Variants in STK39 observed in about 807,000 individuals in gnomAD.
The protein encoded by STK39 is serine/threonine kinase 39.
STK39 carries 20 observed loss-of-function variants against 77.8 expected under a neutral mutation model. The observed-to-expected ratio is 0.26, with a 90% CI of 0.18 to 0.37. STK39 has a LOEUF of 0.37. Ranked by LOEUF, STK39 falls within the 10% of genes least tolerant of loss-of-function variation. STK39 has a pLI of 1.00. For missense variants in STK39, 479 were observed against 656.5 expected (o/e 0.73, Z 2.95); for synonymous variants, 246 against 234.1 (o/e 1.05, Z -0.47).
At chr2:168,163,950 G>C in intron 3 of STK39, 70 bp from the exon 4 acceptor site, 1 of 1,530,620 alleles carries the variant, frequency 6.5e-7, no homozygotes, top group Non-Finnish European at 8.8e-7. Flanking sequence ...ACTCCATTAT[G>C]TATAAAATTT....
At chr2:168,092,608 G>A (rs902052532) in intron 10 of STK39, among the ~76,000 whole-genome samples, 1 of 152,226 alleles carries the variant, frequency 6.6e-6, no homozygotes, top group Middle Eastern at 3.4e-3. Context: ...CAGAATCCAT[G>A]GTAAGATAGA....
intron 14 of STK39, among the ~76,000 whole-genome samples, chr2:168,039,047 A>G (rs968522261): frequency 2.0e-5 from 3 of 152,190 alleles, no homozygotes; most frequent in African/African-American, 7.2e-5. Flanking sequence ...TTTTTCAAAG[A>G]GAAATCAAAA....
intron 14 of STK39, among the ~76,000 whole-genome samples, chr2:168,063,174 C>T (rs1685704949): frequency 6.7e-6 from 1 of 150,188 alleles, no homozygotes; most frequent in South Asian, 2.1e-4. Flanking sequence ...CATTAAAAAT[C>T]TCTTACTGTG....
At chr2:168,015,402 G>A (rs1446349816) in intron 15 of STK39, among the ~76,000 whole-genome samples, 1 of 152,238 alleles carries the variant, frequency 6.6e-6, no homozygotes, top group East Asian at 1.9e-4. Context: ...TCACAGAGGT[G>A]CAGTGATATA....
At chr2:168,150,550 G>A (rs1688252369) in intron 5 of STK39, among the ~76,000 whole-genome samples, 2 of 152,048 alleles carry the variant, frequency 1.3e-5, no homozygotes, top group Non-Finnish European at 2.9e-5. Context: ...CTGGGAGAGA[G>A]GCTATAGGTA....
At chr2:167,968,380 A>G (rs1692221910) in intron 16 of STK39, among the ~76,000 whole-genome samples, 1 of 152,222 alleles carries the variant, frequency 6.6e-6, no homozygotes, top group Admixed American at 6.5e-5. Flanking sequence ...TGACAGTTAG[A>G]AAAATAAGTT....
At chr2:168,206,473 G>A (rs1436363829) in intron 1 of STK39, among the ~76,000 whole-genome samples, 1 of 151,798 alleles carries the variant, frequency 6.6e-6, no homozygotes, top group Non-Finnish European at 1.5e-5. Context: ...GCTAATTTTC[G>A]TTATTTTTAT....
intron 1 of STK39, among the ~76,000 whole-genome samples, chr2:168,187,341 A>T (rs1689234627): frequency 9.3e-6 from 1 of 107,294 alleles, no homozygotes; most frequent in Admixed American, 1.1e-4. Flanking sequence ...ACAGAGTGAG[A>T]CTCCATCTCA....
chr2:168,155,555 AC>A (rs1688404497), intron 5 of STK39, among the ~76,000 whole-genome samples: 1 of 150,048 alleles, frequency 6.7e-6, no homozygotes, highest in Admixed American at 6.6e-5. Context: ...ACTATAAAGC[AC>A]TTGCACCCCC....
intron 1 of STK39, among the ~76,000 whole-genome samples, chr2:168,235,918 T>A (rs35144585): frequency 0.11 from 17,465 of 152,072 alleles, 1,297 homozygotes; most frequent in East Asian, 0.31. Context: ...TAAACATACG[T>A]GTGCATGTGT....
intron 16 of STK39, among the ~76,000 whole-genome samples, chr2:167,973,712 A>C (rs183045132): frequency 6.2e-4 from 95 of 152,332 alleles, no homozygotes; most frequent in African/African-American, 2.1e-3. Flanking sequence ...TGGCATAGGA[A>C]TGCAAATTTT....
At chr2:167,984,674 G>C (rs575118487) in intron 16 of STK39, among the ~76,000 whole-genome samples, 2 of 152,162 alleles carry the variant, frequency 1.3e-5, no homozygotes, top group Non-Finnish European at 2.9e-5. Flanking sequence ...AGTTTGGGGA[G>C]GAAAACATAA....
chr2:168,070,519 A>G (rs1229461336), intron 12 of STK39, among the ~76,000 whole-genome samples: 1 of 151,408 alleles, frequency 6.6e-6, no homozygotes, highest in Non-Finnish European at 1.5e-5. Context: ...ATAGGTATAC[A>G]TGTGCCATGT....
intron 17 of STK39, among the ~76,000 whole-genome samples, chr2:167,957,548 T>C (rs994852584): frequency 3.9e-5 from 6 of 152,208 alleles, no homozygotes; most frequent in African/African-American, 1.2e-4. Context: ...TAGCTCTTGT[T>C]AACATCATTT....
At chr2:168,232,654 T>C (rs1690487849) in intron 1 of STK39, among the ~76,000 whole-genome samples, 1 of 152,162 alleles carries the variant, frequency 6.6e-6, no homozygotes, top group Admixed American at 6.5e-5. Flanking sequence ...GGCTCACTCC[T>C]GTAATCCCAG....
chr2:168,005,605 A>G (rs891600064), intron 16 of STK39, among the ~76,000 whole-genome samples: 1 of 152,180 alleles, frequency 6.6e-6, no homozygotes, highest in East Asian at 1.9e-4. Flanking sequence ...GTAGGGATGC[A>G]ATAAAATAGA....
chr2:168,167,424 A>T lies in STK39; in HGVS notation c.322-17T>A, dbSNP rs1320391050. 6.2e-7 allele frequency: 1 copy of T among 1,608,576 alleles called. No homozygotes were observed. The highest frequency in any genetic ancestry group is 1.3e-5 in the African/African-American group (1 of 74,832). Reference sequence around the variant, plus strand: ...AATTTCTTTCTATAAAAAGAGCAAAACATGACATAGTACCATGGGGTGAAA... The same window carrying T: ...AATTTCTTTCTATAAAAAGAGCAAATCATGACATAGTACCATGGGGTGAAA... On this transcript the variant is annotated splice_polypyrimidine_tract_variant and intron_variant, in intron 2 of 17. Transcript: ENST00000355999.
At chr2:168,131,761 A>G (rs1195058055) in intron 8 of STK39, among the ~76,000 whole-genome samples, 1 of 152,232 alleles carries the variant, frequency 6.6e-6, no homozygotes, top group East Asian at 1.9e-4. Context: ...AATAGGCCCT[A>G]GAACTAAACA....
At chr2:168,061,933 G>T (rs547700290) in intron 14 of STK39, among the ~76,000 whole-genome samples, 1 of 152,136 alleles carries the variant, frequency 6.6e-6, no homozygotes, top group Non-Finnish European at 1.5e-5. Context: ...CTAAGGGGGA[G>T]AATTACAGCC....
Sources: gnomAD v4.1 joint callset for allele counts (sites outside exome capture counted in the v4.1 genomes callset) on GRCh38, gnomAD v4.1.1 for gene constraint, MANE v1.5 for transcripts, NCBI Gene and HGNC (gene_info 2026-07-23, HGNC 2026-07-21) for gene names.